The following SPRTN variants were observed in gnomAD, a reference collection of about 807,000 sequenced individuals.
The protein encoded by SPRTN is SprT-like N-terminal domain.
SPRTN carries 11 observed loss-of-function variants against 31.9 expected under a neutral mutation model. That is an observed-to-expected ratio of 0.34 (90% CI 0.22 to 0.57). The LOEUF is 0.57. Ranked by LOEUF, SPRTN falls within the 20% of genes least tolerant of loss-of-function variation. SPRTN has a pLI of 0.86. For missense variants in SPRTN, 482 were observed against 590.1 expected (o/e 0.82, Z 1.90); for synonymous variants, 185 against 212.1 (o/e 0.87, Z 1.11).
Position 231,351,294 on chromosome 1 carries a change from C to T in SPRTN, c.451-10C>T. On this transcript the variant is annotated splice_polypyrimidine_tract_variant and intron_variant, in intron 3 of 4. Coordinates refer to ENST00000295050, the MANE Select transcript of SPRTN (RefSeq NM_032018.7). The stretch of plus-strand genomic sequence containing the variant: ...GCTTATTGAATACTAAAAATTCTGT[C>T]TCCACTCAGGTATACCATACTTTTC... 1 of 1,518,204 alleles carries T rather than the reference C, an allele frequency of 6.6e-7. No individual in the cohort carries two copies. Among genetic ancestry groups the T allele is most frequent in the Non-Finnish European group, 8.8e-7 (1 of 1,131,262 alleles). The allele number at this position is 1,518,204 out of a possible 1,614,324, so 94.0% of individuals were successfully genotyped here. A position where few individuals can be genotyped will look rare whatever the true frequency, so the allele number is the denominator to read the frequency against.
At chr1:231,339,949 G>A in intron 2 of SPRTN, 81 bp downstream of exon 2, 1 of 1,328,052 alleles carries the variant, frequency 7.5e-7, no homozygotes, top group Non-Finnish European at 1.1e-6. Context: ...GAATTCGCCT[G>A]TATGTATCGT....
intron 2 of SPRTN, among the ~76,000 whole-genome samples, chr1:231,342,013 A>G (rs1236099418): frequency 1.3e-5 from 2 of 152,140 alleles, no homozygotes; most frequent in African/African-American, 4.8e-5. Context: ...CCCAGGCCCA[A>G]GCAATCCTCC....
rs1212139758 is a variant in SPRTN, at chr1:231,352,635, G to T, written c.744G>T (p.Gln248His). Reference sequence around the variant, plus strand: ...ATAAACCCAACAGAGGTGAGGCCCAGCTAGTAATCCCTTTTAGTGGGAAAG... The same window carrying T: ...ATAAACCCAACAGAGGTGAGGCCCATCTAGTAATCCCTTTTAGTGGGAAAG... ...NKDKPNRGEA[Q>H]LVIPFSGKGY... The change falls in exon 5 of 5, where the codon CAG becomes CAT. Residue 248 changes from glutamine (Q) to histidine (H), a missense_variant. By Grantham distance (24) the Gln-to-His change is conservative. This residue lies in a region of SPRTN where 325 missense variants were observed against 350.2 expected (regional missense o/e 0.93). Coordinates refer to ENST00000295050, the MANE Select transcript of SPRTN (RefSeq NM_032018.7). 6.3e-7 allele frequency: 1 copy of T among 1,598,904 alleles called. No individual in the cohort carries two copies. Among genetic ancestry groups the T allele is most frequent in the South Asian group, 1.1e-5 (1 of 87,808 alleles).
Position 231,351,285 on chromosome 1 carries a change from A to G in SPRTN, c.451-19A>G, listed in dbSNP as rs774354260. Reference sequence around the variant, plus strand: ...TGTTAACTTGCTTATTGAATACTAAAAATTCTGTCTCCACTCAGGTATACC... The same window carrying G: ...TGTTAACTTGCTTATTGAATACTAAGAATTCTGTCTCCACTCAGGTATACC... On this transcript the variant is annotated intron_variant, in intron 3 of 4. Transcript: ENST00000295050. The G allele has an allele frequency of 2.6e-6, 4 of 1,515,358 alleles. No homozygotes were observed. In the African/African-American group the frequency reaches 5.6e-5, roughly 21 times the overall value. 93.9% of individuals were successfully genotyped at this position (1,515,358 alleles called of 1,614,324 possible).
chr1:231,347,997 G>A (rs530129511), intron 3 of SPRTN, 72 bp downstream of exon 3: 12 of 1,551,324 alleles, frequency 7.7e-6, no homozygotes, highest in East Asian at 2.3e-5. Context: ...TTAATTAAAA[G>A]TAGAGAACTA....
rs949187389 is a variant in SPRTN, at chr1:231,353,753, C to G, written c.*392C>G. The G allele has an allele frequency of 7.1e-6, 7 of 985,624 alleles. No individual in the cohort carries two copies. Among genetic ancestry groups the G allele is most frequent in the Non-Finnish European group, 8.5e-6 (7 of 828,354 alleles). The allele number at this position is 985,624 out of a possible 1,614,324, so 61.1% of individuals were successfully genotyped here. A position where few individuals can be genotyped will look rare whatever the true frequency, so the allele number is the denominator to read the frequency against. ...ACTATTTATTAATAGTATTAGAACT[C>G]ATTCCCTGAACTGATGTAAATCTTC... On this transcript the variant is annotated 3_prime_UTR_variant, in exon 5 of 5. Transcript: ENST00000295050.
At chr1:231,346,953 A>C (rs1468332731) in intron 2 of SPRTN, among the ~76,000 whole-genome samples, 1 of 151,982 alleles carries the variant, frequency 6.6e-6, no homozygotes, top group Non-Finnish European at 1.5e-5. Flanking sequence ...AAAAAAAAAG[A>C]ATTTTAAAGT....
chr1:231,354,366 G>T lies in SPRTN; in HGVS notation c.*1005G>T. ...CTGTTGGCATAGCCCTAACACAGTTGTTCACAAGTTTTCTTTTTTCTTGTT... is the reference window on the plus strand; with the variant it reads ...CTGTTGGCATAGCCCTAACACAGTTTTTCACAAGTTTTCTTTTTTCTTGTT... On this transcript the variant is annotated 3_prime_UTR_variant, in exon 5 of 5. Transcript: ENST00000295050. The T allele has an allele frequency of 1.0e-6, 1 of 985,294 alleles. No homozygotes were observed. The highest frequency in any genetic ancestry group is 4.7e-5 in the South Asian group (1 of 21,288). The allele number at this position is 985,294 out of a possible 1,614,324, so 61.0% of individuals were successfully genotyped here.
chr1:231,340,786 G>T (rs910467251), intron 2 of SPRTN, among the ~76,000 whole-genome samples: 1 of 137,428 alleles, frequency 7.3e-6, no homozygotes, highest in Non-Finnish European at 1.6e-5. Context: ...CAACAAGAGC[G>T]AAACTCTGTC....
chr1:231,341,658 A>C (rs1686894236), intron 2 of SPRTN, among the ~76,000 whole-genome samples: 2 of 152,224 alleles, frequency 1.3e-5, no homozygotes, highest in African/African-American at 4.8e-5. Context: ...CATAACTTTA[A>C]ATTTTATGAG....
At chr1:231,345,072 T>C (rs921243882) in intron 2 of SPRTN, among the ~76,000 whole-genome samples, 1 of 152,206 alleles carries the variant, frequency 6.6e-6, no homozygotes, top group African/African-American at 2.4e-5. Flanking sequence ...CACAAAATAC[T>C]ATGTACATTC....
intron 4 of SPRTN, 122 bp from the exon 5 acceptor site, chr1:231,352,488 G>T (rs1190413031): frequency 2.0e-6 from 3 of 1,464,370 alleles, no homozygotes; most frequent in African/African-American, 2.8e-5. Flanking sequence ...TTGTATGGAT[G>T]TAAGATGGAA....
intron 4 of SPRTN, chr1:231,352,069 A>G: frequency 1.0e-6 from 1 of 990,018 alleles, no homozygotes; most frequent in Non-Finnish European, 1.2e-6. Context: ...GGAAAAGGAT[A>G]TGACATATAT....
chr1:231,340,823 G>A (rs1186983139), intron 2 of SPRTN, among the ~76,000 whole-genome samples: 1 of 151,956 alleles, frequency 6.6e-6, no homozygotes, highest in African/African-American at 2.4e-5. Context: ...AGAATTATCT[G>A]TACAAAAGAG....
chr1:231,350,868 C>T (rs932571776), intron 3 of SPRTN, among the ~76,000 whole-genome samples: 2 of 151,918 alleles, frequency 1.3e-5, no homozygotes, highest in African/African-American at 4.8e-5. Flanking sequence ...CCTTTAGAAC[C>T]CTTTGCTATT....
chr1:231,340,236 C>G (rs368154106), intron 2 of SPRTN, among the ~76,000 whole-genome samples: 30 of 151,566 alleles, frequency 2.0e-4, no homozygotes, highest in African/African-American at 2.9e-4. Context: ...GCGTGGTGGC[C>G]GGCGCCTGTA....
At position 231,352,789 on chromosome 1, in the gene SPRTN, A is replaced by C; in HGVS notation, c.898A>C (p.Ile300Leu). 1 of 1,613,858 alleles carries C rather than the reference A, an allele frequency of 6.2e-7. No individual in the cohort carries two copies. Among genetic ancestry groups the C allele is most frequent in the South Asian group, 1.1e-5 (1 of 91,028 alleles). Reference sequence around the variant, plus strand: ...AAATGCTGTAAGACCTAATTCTAAAATCAAGGTGAAATTTGAACAGAATGG... The same window carrying C: ...AAATGCTGTAAGACCTAATTCTAAACTCAAGGTGAAATTTGAACAGAATGG... ...SANAVRPNSK[I>L]KVKFEQNGSS... The change falls in exon 5 of 5, where the codon ATC becomes CTC. Residue 300 changes from isoleucine (I) to leucine (L), a missense_variant. This residue lies in a region of SPRTN where 325 missense variants were observed against 350.2 expected (regional missense o/e 0.93). Coordinates refer to ENST00000295050, the MANE Select transcript of SPRTN (RefSeq NM_032018.7).
Position 231,338,458 on chromosome 1 carries a change from C to T in SPRTN, c.75C>T (p.Ala25=). ...WNLQEAERDH[A]QESLSLVDAS... ...TGCAGGAGGCGGAGCGCGATCATGC[C>T]CAGGAGTCCCTGTCGCTAGTGGACG... The change falls in exon 1 of 5, where the codon GCC becomes GCT. Residue 25 remains alanine, a synonymous_variant. Transcript: ENST00000295050. 2.5e-6 allele frequency: 4 copies of T among 1,614,262 alleles called. No homozygotes were observed. The highest frequency in any genetic ancestry group is 3.4e-6 in the Non-Finnish European group (4 of 1,180,048).
intron 1 of SPRTN, among the ~76,000 whole-genome samples, chr1:231,338,925 C>T (rs553812720): frequency 1.1e-4 from 17 of 152,296 alleles, no homozygotes; most frequent in African/African-American, 4.1e-4. Flanking sequence ...TGCTGTAGGA[C>T]CCAGAAGGGA....
Sources: allele counts gnomAD v4.1 joint callset (sites outside exome capture counted in the v4.1 genomes callset), GRCh38; gene constraint gnomAD v4.1.1; regional missense constraint gnomAD v4.1.1; transcripts MANE v1.5; gene names NCBI Gene and HGNC (gene_info 2026-07-23, HGNC 2026-07-21).